SLC6A20: variants seen among roughly 807,000 people sequenced by gnomAD.
SLC6A20 encodes solute carrier family 6 member 20, also known as sodium- and chloride-dependent transporter XTRP3.
In SLC6A20, 73 loss-of-function variants were observed where a neutral mutation model predicts 64.3. The ratio of observed to expected loss-of-function variants is 1.14; its 90% CI spans 0.94 to 1.38. The LOEUF (loss-of-function observed/expected upper bound fraction) is 1.38. Ranked by LOEUF, SLC6A20 falls within the 40% of genes most tolerant of loss-of-function variation. The pLI is 0.00. For missense variants in SLC6A20, 725 were observed against 772.8 expected, an observed-to-expected ratio of 0.94 and a Z score of 0.73; for synonymous variants, 347 against 329.6, an observed-to-expected ratio of 1.05 and a Z score of -0.57.
intron 1 of SLC6A20, among the ~76,000 whole-genome samples, chr3:45,782,662 A>ACCAT (rs1179289036): frequency 1.1e-5 from 1 of 93,530 alleles, no homozygotes; most frequent in East Asian, 3.3e-4. Context: ...CATCCATCCA[A>ACCAT]CCATCCATCC....
rs1575425946 is a variant in SLC6A20, at chr3:45,765,818, A to C, written c.1099-77T>G. 8.9e-5 allele frequency: 134 copies of C among 1,500,332 alleles called. 1 individual carries two copies. In the East Asian group the frequency reaches 3.0e-3, roughly 34 times the overall value. 92.9% of individuals were successfully genotyped at this position (1,500,332 alleles called of 1,614,324 possible). A position where few individuals can be genotyped will look rare whatever the true frequency, so the allele number is the denominator to read the frequency against. ...ATTCACGCACTCAGTACTAAGCAAC[A>C]TGGGGGACCTTGGAAGTGGCCATGA... On this transcript the variant is annotated intron_variant, in intron 7 of 10. Transcript: ENST00000358525. This position sits in a 1 kb window ranked among gnomAD's most constrained non-coding sequence, Gnocchi z 4.2.
chr3:45,772,386 C>T, intron 5 of SLC6A20, 119 bp downstream of exon 5: 1 of 862,096 alleles, frequency 1.2e-6, no homozygotes, highest in Non-Finnish European at 1.7e-6. Context: ...GGTGGGCTCA[C>T]ATCAGCTTCC....
At chr3:45,795,603 T>C (rs992118074) in intron 1 of SLC6A20, among the ~76,000 whole-genome samples, 19 of 152,170 alleles carry the variant, frequency 1.2e-4, no homozygotes, top group Admixed American at 2.6e-4. Flanking sequence ...AAAAGGTACT[T>C]GGGCTTCACG....
intron 1 of SLC6A20, among the ~76,000 whole-genome samples, chr3:45,795,364 C>G (rs894630093): frequency 1.3e-5 from 2 of 152,104 alleles, no homozygotes; most frequent in South Asian, 4.2e-4. Context: ...TTAAAGGCTG[C>G]GAAGAGCAAC....
Position 45,758,657 on chromosome 3 carries a change from A to G in SLC6A20, c.*321T>C. 1 of 1,154,918 alleles carries G rather than the reference A, an allele frequency of 8.7e-7. No individual in the cohort carries two copies. Among genetic ancestry groups the G allele is most frequent in the Non-Finnish European group, 1.1e-6 (1 of 934,128 alleles). The allele number at this position is 1,154,918 out of a possible 1,614,324, so 71.5% of individuals were successfully genotyped here. A position where few individuals can be genotyped will look rare whatever the true frequency, so the allele number is the denominator to read the frequency against. ...ATTGCTTAAATTTGGTCCCATAAGA[A>G]TTATAGTCATATTTCAGTTTGCAAT... is the stretch of plus-strand genomic sequence containing the variant. On this transcript the variant is annotated 3_prime_UTR_variant, in exon 11 of 11. Coordinates refer to ENST00000358525, the MANE Select transcript of SLC6A20 (RefSeq NM_020208.4).
At chr3:45,760,643 G>A (rs890931867) in intron 9 of SLC6A20, among the ~76,000 whole-genome samples, 1 of 152,214 alleles carries the variant, frequency 6.6e-6, no homozygotes, top group Non-Finnish European at 1.5e-5. Context: ...CCTCCATCAT[G>A]CCTGTAGCTC....
Position 45,765,879 on chromosome 3 carries a change from G to T in SLC6A20, c.1099-138C>A. 1 of 864,808 alleles carries T rather than the reference G, an allele frequency of 1.2e-6. No homozygotes were observed. The highest frequency in any genetic ancestry group is 1.6e-5 in the South Asian group (1 of 61,120). 53.6% of individuals were successfully genotyped at this position (864,808 alleles called of 1,614,324 possible). A position where few individuals can be genotyped will look rare whatever the true frequency, so the allele number is the denominator to read the frequency against. ...TGTGAGGTTGGAGCTTCCATCTGCA[G>T]ATCAACCCCTTACACTCAGCTGGGC... On this transcript the variant is annotated intron_variant, in intron 7 of 10. Coordinates refer to ENST00000358525, the MANE Select transcript of SLC6A20 (RefSeq NM_020208.4). The surrounding 1 kb of genome is among the most constrained non-coding windows in gnomAD (Gnocchi z 4.2).
At chr3:45,796,194 C>G in intron 1 of SLC6A20, 105 bp downstream of exon 1, 1 of 1,499,448 alleles carries the variant, frequency 6.7e-7, no homozygotes, top group Non-Finnish European at 9.0e-7. Flanking sequence ...GCTCGCTTTC[C>G]CGGCCTCAGT....
rs1311894082 is a variant in SLC6A20, at chr3:45,758,705, C to G, written c.*273G>C. The G allele has an allele frequency of 8.1e-7, 1 of 1,239,876 alleles. No homozygotes were observed. Among genetic ancestry groups the G allele is most frequent in the Non-Finnish European group, 1.0e-6 (1 of 989,810 alleles). 76.8% of individuals were successfully genotyped at this position (1,239,876 alleles called of 1,614,324 possible). A position where few individuals can be genotyped will look rare whatever the true frequency, so the allele number is the denominator to read the frequency against. ...AATGTGCCCTAATTCTAGGGCTTTC[C>G]TGGAATGAAGGATGCAGTTATCTTT... On this transcript the variant is annotated 3_prime_UTR_variant, in exon 11 of 11. Transcript: ENST00000358525.
intron 7 of SLC6A20, among the ~76,000 whole-genome samples, chr3:45,769,821 A>T (rs189427751): frequency 6.6e-6 from 1 of 152,160 alleles, no homozygotes. Flanking sequence ...AAAAAGGGGG[A>T]CTTTTTAACT....
chr3:45,787,073 C>T (rs1700181803), intron 1 of SLC6A20, among the ~76,000 whole-genome samples: 1 of 152,222 alleles, frequency 6.6e-6, no homozygotes, highest in Admixed American at 6.5e-5. Flanking sequence ...TTGTGACACA[C>T]CTGCCTTTTC....
Position 45,762,896 on chromosome 3 carries a change from G to T in SLC6A20, c.1463+17C>A. 6.2e-6 allele frequency: 10 copies of T among 1,613,650 alleles called. No individual in the cohort carries two copies. The highest frequency in any genetic ancestry group is 1.7e-5 in the Admixed American group (1 of 60,018). ...CTGTGTTTTCCCTATGCAAATGAGG[G>T]TCCTGGGCCTCCTCACCTCCTCAGC... On this transcript the variant is annotated intron_variant, in intron 9 of 10. Transcript: ENST00000358525.
At chr3:45,769,821 AC>A (rs1699830420) in intron 7 of SLC6A20, among the ~76,000 whole-genome samples, 1 of 152,160 alleles carries the variant, frequency 6.6e-6, no homozygotes, top group Admixed American at 6.6e-5. Flanking sequence ...AAAAAGGGGG[AC>A]TTTTTAACTT....
rs1699857348 is a variant in SLC6A20 at position 45,771,201 on chromosome 3, G to A, written c.935+16C>T. 6.2e-7 allele frequency: 1 copy of A among 1,614,006 alleles called. No individual in the cohort carries two copies. Among genetic ancestry groups the A allele is most frequent in the South Asian group, 1.1e-5 (1 of 91,050 alleles). ...CTCAGGGAGGCCTGGGACTCGGTGG[G>A]ACAGCCCAGGCTTACTTCTTCAAGC... On this transcript the variant is annotated intron_variant, in intron 6 of 10. Transcript: ENST00000358525.
intron 9 of SLC6A20, among the ~76,000 whole-genome samples, chr3:45,761,333 AAGCACTCCCCTCCTGCC>A (rs1220589891): frequency 6.6e-6 from 1 of 151,382 alleles, no homozygotes; most frequent in African/African-American, 2.4e-5. Flanking sequence ...GAGCAAGCCG[AAGCACTCCCCTCCTGCC>A]ACTTACATGG....
intron 9 of SLC6A20, among the ~76,000 whole-genome samples, chr3:45,762,112 G>A (rs1040599176): frequency 1.3e-5 from 2 of 152,224 alleles, no homozygotes; most frequent in African/African-American, 4.8e-5. Flanking sequence ...CCTGGACATA[G>A]TGTGAAGATA....
chr3:45,759,678 G>T (rs1699628210), intron 10 of SLC6A20, among the ~76,000 whole-genome samples, 179 bp downstream of exon 10: 1 of 152,182 alleles, frequency 6.6e-6, no homozygotes, highest in African/African-American at 2.4e-5. Flanking sequence ...ATACCTAAAA[G>T]CTCAAAGCCC....
chr3:45,762,266 C>T lies in SLC6A20; in HGVS notation c.1463+647G>A, dbSNP rs114045252. On this transcript the variant is annotated intron_variant, in intron 9 of 10. Transcript: ENST00000358525. The stretch of plus-strand genomic sequence containing the variant: ...TGGTTCTCAAAGTGTGGGTGCCAGA[C>T]TCATCTGGGAACCTGCTAGAAATGT... Among the ~76,000 whole-genome samples, 483 of 152,344 alleles carry T rather than the reference C, an allele frequency of 3.2e-3. 4 individuals are homozygous for T. The highest frequency in any genetic ancestry group is 0.01 in the African/African-American group (427 of 41,584).
chr3:45,783,010 T>C (rs935738368), intron 1 of SLC6A20, among the ~76,000 whole-genome samples: 134 of 152,386 alleles, frequency 8.8e-4, no homozygotes, highest in African/African-American at 3.1e-3. Context: ...TGCATTCAGC[T>C]GTCCACCTCT....
Sources: gnomAD v4.1 joint callset for allele counts (sites outside exome capture counted in the v4.1 genomes callset) on GRCh38, gnomAD v4.1.1 for gene constraint, Gnocchi (gnomAD v3.1) non-coding constraint, MANE v1.5 for transcripts, NCBI Gene and HGNC (gene_info 2026-07-23, HGNC 2026-07-21) for gene names.